The following PPP2R2B variants were observed in gnomAD, a reference collection of about 807,000 sequenced individuals.
PPP2R2B encodes the protein protein phosphatase 2 regulatory subunit Bbeta.
Under a neutral mutation model 46.0 loss-of-function variants are expected in PPP2R2B, and 5 were observed. The observed-to-expected ratio is 0.11, with a 90% CI of 0.06 to 0.23. PPP2R2B has a LOEUF of 0.23. PPP2R2B is among the 10% of genes least tolerant of loss of function. The pLI is 1.00. For synonymous variants in PPP2R2B, 215 were observed against 206.7 expected (o/e 1.04, Z -0.34); for missense variants, 367 against 575.0 (o/e 0.64, Z 3.70).
rs58493888 is a variant in PPP2R2B, at chr5:146,866,448, A to G, written c.70+11554T>C. Among the ~76,000 whole-genome samples, 173 of 152,256 alleles carry G rather than the reference A, an allele frequency of 1.1e-3. 1 individual carries two copies. In the East Asian group the frequency reaches 0.02, roughly 17 times the overall value. On this transcript the variant is annotated intron_variant, in intron 2 of 9. Coordinates refer to ENST00000394411, the MANE Select transcript of PPP2R2B (RefSeq NM_181675.4). Reference sequence around the variant, plus strand: ...TTTATCATCAGCAAAGTAGAAATCTATTTTCTCTTTCACTCCATAAGTGTG... The same window carrying G: ...TTTATCATCAGCAAAGTAGAAATCTGTTTTCTCTTTCACTCCATAAGTGTG...
At chr5:146,705,431 T>C (rs1423704963) in intron 2 of PPP2R2B, among the ~76,000 whole-genome samples, 1 of 152,080 alleles carries the variant, frequency 6.6e-6, no homozygotes, top group East Asian at 1.9e-4. Context: ...CCATGATTAA[T>C]GGGTAATGAA....
chr5:146,879,047 C>G (rs1031092700), upstream of PPP2R2B: 4 of 500,808 alleles, frequency 8.0e-6, no homozygotes, highest in Admixed American at 2.1e-4. Flanking sequence ...CTGCCTTTCT[C>G]CGGACGCCTG....
chr5:146,708,321 C>A (rs1318450740), intron 2 of PPP2R2B, among the ~76,000 whole-genome samples: 1 of 149,672 alleles, frequency 6.7e-6, no homozygotes, highest in East Asian at 2.0e-4. Flanking sequence ...CATGCCACTG[C>A]ACTCACACCT....
intron 2 of PPP2R2B, among the ~76,000 whole-genome samples, chr5:146,720,302 G>C (rs1780723115): frequency 6.6e-6 from 1 of 152,164 alleles, no homozygotes; most frequent in African/African-American, 2.4e-5. Context: ...ACAACTAAGG[G>C]CTGGCCTAAC....
chr5:146,847,520 C>T (rs187564850), intron 2 of PPP2R2B, among the ~76,000 whole-genome samples: 2 of 152,262 alleles, frequency 1.3e-5, no homozygotes, highest in East Asian at 3.9e-4. Flanking sequence ...ACATAGGTGC[C>T]TGCCTTGCAA....
chr5:146,736,188 G>A (rs542338486), intron 2 of PPP2R2B, among the ~76,000 whole-genome samples: 20 of 152,266 alleles, frequency 1.3e-4, no homozygotes, highest in Admixed American at 1.3e-4. Flanking sequence ...AGAAGGATGT[G>A]TTTGCTTCCC....
chr5:146,737,338 T>A (rs1752594213), intron 2 of PPP2R2B, among the ~76,000 whole-genome samples: 1 of 152,238 alleles, frequency 6.6e-6, no homozygotes, highest in Non-Finnish European at 1.5e-5. Flanking sequence ...TTATGCTTCA[T>A]CTTGCCAGTA....
rs149974074 is a variant in PPP2R2B at position 146,654,778 on chromosome 5, C to T, written c.448-4054G>A. Among the ~76,000 whole-genome samples, 431 of 152,262 alleles carry T rather than the reference C, an allele frequency of 2.8e-3. 2 individuals carry two copies. Among genetic ancestry groups the T allele is most frequent in the Non-Finnish European group, 2.7e-3 (187 of 68,016 alleles). On this transcript the variant is annotated intron_variant, in intron 5 of 9. Transcript: ENST00000394411. The stretch of plus-strand genomic sequence containing the variant: ...AGCACCTTGTCCATGGTCACCCTTC[C>T]GGGGTTGCTTGCACAGCCTAGGTCT...
intron 2 of PPP2R2B, among the ~76,000 whole-genome samples, chr5:147,068,663 C>T (rs1391495792): frequency 6.6e-6 from 1 of 152,156 alleles, no homozygotes; most frequent in East Asian, 1.9e-4. Flanking sequence ...TGATGAGAAG[C>T]TGCGCTTTAC....
intron 5 of PPP2R2B, among the ~76,000 whole-genome samples, chr5:146,663,850 T>G (rs2151111510): frequency 6.6e-6 from 1 of 152,052 alleles, no homozygotes; most frequent in South Asian, 2.1e-4. Flanking sequence ...ATTTATTTAT[T>G]ATTATTTTTT....
chr5:146,872,093 A>G (rs1761647263), intron 2 of PPP2R2B, among the ~76,000 whole-genome samples: 1 of 152,256 alleles, frequency 6.6e-6, no homozygotes, highest in South Asian at 2.1e-4. Flanking sequence ...TGCTCTTTTC[A>G]TTGGGCATTA....
At chr5:146,995,604 T>C (rs1444476162) in intron 1 of PPP2R2B, among the ~76,000 whole-genome samples, 1 of 152,178 alleles carries the variant, frequency 6.6e-6, no homozygotes, top group Non-Finnish European at 1.5e-5. Flanking sequence ...TTCCCACAAG[T>C]TCAACTCCAT....
rs35023590 is a variant in PPP2R2B at position 146,808,958 on chromosome 5, GGTGTGT to G, written c.70+69038_70+69043del. ...GGCAGAAATGCCAGCTGCTAACACT[GGTGTGT>G]GTGTGTGTGTGTGTGTGTGTGTGTG... On this transcript the variant is annotated intron_variant, in intron 2 of 9. Transcript: ENST00000394411. 2.0e-3 allele frequency among the ~76,000 whole-genome samples: 294 copies of G among 146,174 alleles called. 2 individuals are homozygous for G. The highest frequency in any genetic ancestry group is 2.2e-3 in the Non-Finnish European group (148 of 67,042).
intron 1 of PPP2R2B, among the ~76,000 whole-genome samples, chr5:146,923,662 A>G (rs1252715748): frequency 6.6e-6 from 1 of 152,216 alleles, no homozygotes; most frequent in Non-Finnish European, 1.5e-5. Context: ...ACAGTGTGGC[A>G]ATTCCTCAAA....
At chr5:146,819,810 G>T (rs895011636) in intron 2 of PPP2R2B, among the ~76,000 whole-genome samples, 10 of 152,096 alleles carry the variant, frequency 6.6e-5, no homozygotes, top group Non-Finnish European at 1.5e-4. Flanking sequence ...AGAGATATCT[G>T]CACTCCCATG....
intron 2 of PPP2R2B, among the ~76,000 whole-genome samples, chr5:147,068,437 C>T (rs1465972422): frequency 6.6e-6 from 1 of 152,042 alleles, no homozygotes; most frequent in African/African-American, 2.4e-5. Flanking sequence ...CCTCAAGTTT[C>T]TGTTAGAAAC....
chr5:147,036,509 A>C (rs528528089), intron 1 of PPP2R2B, among the ~76,000 whole-genome samples: 1 of 152,318 alleles, frequency 6.6e-6, no homozygotes, highest in East Asian at 1.9e-4. Context: ...AGAACAATTT[A>C]TATTCATTTG....
chr5:146,991,328 C>A (rs1405914579), intron 1 of PPP2R2B, among the ~76,000 whole-genome samples: 1 of 151,974 alleles, frequency 6.6e-6, no homozygotes, highest in African/African-American at 2.4e-5. Context: ...ACCTATGTAC[C>A]CATCTACAGA....
intron 7 of PPP2R2B, among the ~76,000 whole-genome samples, chr5:146,616,494 A>G (rs561560349): frequency 6.6e-6 from 1 of 152,350 alleles, no homozygotes; most frequent in South Asian, 2.1e-4. Context: ...GGGATTAATT[A>G]CCAGAATATA....
Sources: allele counts gnomAD v4.1 joint callset (sites outside exome capture counted in the v4.1 genomes callset), GRCh38; gene constraint gnomAD v4.1.1; transcripts MANE v1.5; gene names NCBI Gene and HGNC (gene_info 2026-07-23, HGNC 2026-07-21).